Variants in SENP6 observed in about 807,000 individuals in gnomAD.
SENP6 encodes SUMO specific peptidase 6, also known as sentrin-specific protease 6.
In SENP6, 41 loss-of-function variants were observed where a neutral mutation model predicts 134.5. The observed-to-expected ratio is 0.30, with a 90% CI of 0.24 to 0.40. The LOEUF (loss-of-function observed/expected upper bound fraction) is 0.40, where lower values mean the gene tolerates loss of function less well. SENP6 is among the 10% of genes least tolerant of loss of function. SENP6 has a pLI of 1.00. For synonymous variants in SENP6, 395 were observed against 429.8 expected (o/e 0.92, Z 1.00); for missense variants, 1,248 against 1,312.5 (o/e 0.95, Z 0.76).
chr6:75,700,076 AT>A (rs1774927885), intron 18 of SENP6, among the ~76,000 whole-genome samples: 1 of 151,968 alleles, frequency 6.6e-6, no homozygotes, highest in Admixed American at 6.6e-5. Flanking sequence ...GGCCCAGCTA[AT>A]TTTTTAAAAT....
chr6:75,673,319 C>CTTTTT lies in SENP6; in HGVS notation c.1393-2100_1393-2096dup, dbSNP rs373435139. 3.0e-4 allele frequency among the ~76,000 whole-genome samples: 35 copies of CTTTTT among 116,920 alleles called. 1 individual carries two copies. The highest frequency in any genetic ancestry group is 5.0e-4 in the East Asian group (2 of 3,962). 76.7% of individuals were successfully genotyped at this position (116,920 alleles called of 152,430 possible). A position where few individuals can be genotyped will look rare whatever the true frequency, so the allele number is the denominator to read the frequency against. ...TGTAGATGAAATAGACCAATGTCTA[C>CTTTTT]TTTTTTTTTTTTTTTTTTTTGAGAC... is the stretch of plus-strand genomic sequence containing the variant. On this transcript the variant is annotated intron_variant, in intron 11 of 23. Coordinates refer to ENST00000447266, the MANE Select transcript of SENP6 (RefSeq NM_015571.4).
intron 7 of SENP6, among the ~76,000 whole-genome samples, chr6:75,649,420 AT>A (rs1770697922): frequency 6.6e-6 from 1 of 152,236 alleles, no homozygotes; most frequent in South Asian, 2.1e-4. Context: ...TTTAAAGTTT[AT>A]TCAACAGCAT....
chr6:75,667,788 C>T (rs772720075), intron 10 of SENP6, among the ~76,000 whole-genome samples: 2 of 152,128 alleles, frequency 1.3e-5, no homozygotes, highest in Non-Finnish European at 2.9e-5. Context: ...CAAACAAAAT[C>T]GTTGCCTGTT....
At chr6:75,679,833 G>A (rs1297674112) in intron 16 of SENP6, 1 of 152,092 alleles carries the variant, frequency 6.6e-6, no homozygotes, top group Non-Finnish European at 1.5e-5. Context: ...CTTATACTGT[G>A]TTTCATTAAA....
At chr6:75,706,019 C>T (rs1274131016) in intron 19 of SENP6, among the ~76,000 whole-genome samples, 13 of 144,138 alleles carry the variant, frequency 9.0e-5, no homozygotes, top group African/African-American at 1.3e-4. Context: ...TCACTGCAAC[C>T]TCCCCCTCCT....
At chr6:75,637,700 G>A (rs563376265) in intron 5 of SENP6, among the ~76,000 whole-genome samples, 1 of 151,870 alleles carries the variant, frequency 6.6e-6, no homozygotes, top group South Asian at 2.1e-4. Context: ...ATTCTTATAA[G>A]GTTCTTAGAA....
At chr6:75,704,912 A>G (rs1414112901) in intron 19 of SENP6, among the ~76,000 whole-genome samples, 1 of 152,184 alleles carries the variant, frequency 6.6e-6, no homozygotes, top group Non-Finnish European at 1.5e-5. Flanking sequence ...CCTTGATTCC[A>G]TACAACACAT....
intron 9 of SENP6, among the ~76,000 whole-genome samples, chr6:75,666,151 AC>A (rs1205091834): frequency 8.8e-6 from 1 of 113,084 alleles, no homozygotes; most frequent in Non-Finnish European, 1.9e-5. Context: ...TATATATAAA[AC>A]ATATATGATA....
chr6:75,699,055 T>C (rs1171093262), intron 18 of SENP6, among the ~76,000 whole-genome samples: 1 of 151,626 alleles, frequency 6.6e-6, no homozygotes, highest in Non-Finnish European at 1.5e-5. Context: ...AAAAGAAGGT[T>C]TCTTGACTGG....
rs756763975 is a variant in SENP6 at position 75,695,913 on chromosome 6, A to C, written c.2185A>C (p.Thr729Pro). ...GAGAGAGAGGAGAAATCATGAAACA[A>C]CTAATCTGTCGTAAGTCAAACTCTG... is the stretch of plus-strand genomic sequence containing the variant. ...NQRERRNHET[T>P]NLSIQQKRHG... The change falls in exon 17 of 24, where the codon ACT becomes CCT. Residue 729 changes from threonine (T) to proline (P), a missense_variant. Physicochemically the swap from Thr to Pro is conservative, Grantham distance 38. Coordinates refer to ENST00000447266, the MANE Select transcript of SENP6 (RefSeq NM_015571.4). 3.6e-5 allele frequency: 57 copies of C among 1,599,938 alleles called. No individual in the cohort carries two copies. Among genetic ancestry groups the C allele is most frequent in the Non-Finnish European group, 4.7e-5 (55 of 1,175,182 alleles).
At chr6:75,657,158 A>G (rs1771404990) in intron 7 of SENP6, among the ~76,000 whole-genome samples, 1 of 152,198 alleles carries the variant, frequency 6.6e-6, no homozygotes, top group East Asian at 1.9e-4. Context: ...ACATTATCAA[A>G]TTTAGTAAGG....
Position 75,678,866 on chromosome 6 carries a change from G to A in SENP6, c.2014G>A (p.Asp672Asn), listed in dbSNP as rs1773272372. 1.2e-6 allele frequency: 2 copies of A among 1,607,714 alleles called. No individual in the cohort carries two copies. Among genetic ancestry groups the A allele is most frequent in the East Asian group, 2.2e-5 (1 of 44,788 alleles). The change falls in exon 16 of 24, where the codon GAC becomes AAC. Residue 672 changes from aspartate to asparagine, a missense_variant. This residue lies in a region of SENP6 where 129 missense variants were observed against 192.0 expected (regional missense o/e 0.67). Coordinates refer to ENST00000447266, the MANE Select transcript of SENP6 (RefSeq NM_015571.4). ...AKGGISVTNEDLHCLNEGEFL... is the reference protein window; with the variant it reads ...AKGGISVTNENLHCLNEGEFL... ...GGGAGGCATCTCTGTTACCAATGAG[G>A]ACCTGCACTGTCTAAATGAAGGAGA...
At position 75,702,914 on chromosome 6, in the gene SENP6, A is replaced by G. The variant is rs1775137238; in HGVS notation, c.2558A>G (p.Asn853Ser). ...QEESDPRYKR[N>S]ICSVKYSVKK... ...GAAAGTGACCCTCGTTATAAGAGAA[A>G]CATATGCAGTGTAAAATACAGTGTG... The change falls in exon 19 of 24, where the codon AAC becomes AGC. Residue 853 changes from asparagine to serine, a missense_variant. Asn to Ser is a conservative substitution (Grantham distance 46). Transcript: ENST00000447266. 29 of 1,614,052 alleles carry G rather than the reference A, an allele frequency of 1.8e-5. No homozygotes were observed. Among genetic ancestry groups the G allele is most frequent in the Non-Finnish European group, 2.4e-5 (28 of 1,180,020 alleles).
At chr6:75,715,137 T>TA (rs1775959250) in intron 23 of SENP6, among the ~76,000 whole-genome samples, 1 of 152,134 alleles carries the variant, frequency 6.6e-6, no homozygotes. Context: ...AAAACTTTAT[T>TA]ACAGAAACAG....
intron 10 of SENP6, among the ~76,000 whole-genome samples, chr6:75,668,924 T>C (rs1427335098): frequency 6.6e-6 from 1 of 152,196 alleles, no homozygotes; most frequent in Non-Finnish European, 1.5e-5. Context: ...AAATCCTTTA[T>C]TGTAGATTCA....
In SENP6 at chr6:75,657,805, A is replaced by AG. The variant is rs1309538063; in HGVS notation, c.551-1456dup. Among the ~76,000 whole-genome samples the AG allele has an allele frequency of 2.0e-5, 3 of 152,306 alleles. No homozygotes were observed. The East Asian group carries it at 5.8e-4, about 29-fold the overall frequency. On this transcript the variant is annotated intron_variant, in intron 7 of 23. Transcript: ENST00000447266. ...TGGGGCAGAGGCAGCTTCTTAACAA[A>AG]GAAGAGTTTGAATTCACCACATAGG... is the stretch of plus-strand genomic sequence containing the variant.
chr6:75,697,633 TG>T, intron 18 of SENP6, 116 bp downstream of exon 18: 1 of 692,212 alleles, frequency 1.4e-6, no homozygotes, highest in Non-Finnish European at 2.5e-6. Context: ...AAATCTCTTG[TG>T]TATATTCATA....
Position 75,622,394 on chromosome 6 carries a change from C to T in SENP6, c.146+769C>T, listed in dbSNP as rs567321759. The stretch of plus-strand genomic sequence containing the variant: ...CCAACATGGTGAGACCTCATCTCTA[C>T]TAAAAATACAAAAGATTAGCTGGAT... On this transcript the variant is annotated intron_variant, in intron 2 of 23. Transcript: ENST00000447266. Among the ~76,000 whole-genome samples, 14 of 152,104 alleles carry T rather than the reference C, an allele frequency of 9.2e-5. No homozygotes were observed. In the East Asian group the frequency reaches 2.3e-3, roughly 25 times the overall value.
Position 75,717,827 on chromosome 6 carries a change from G to A in SENP6, c.*2233G>A, listed in dbSNP as rs554556418. 6.6e-6 allele frequency: 1 copy of A among 152,070 alleles called. No individual in the cohort carries two copies. The highest frequency in any genetic ancestry group is 1.5e-5 in the Non-Finnish European group (1 of 67,982). The allele number at this position is 152,070 out of a possible 1,614,324, so 9.4% of individuals were successfully genotyped here. Reference sequence around the variant, plus strand: ...GATCTGTTGTATTGGTTTTCTTGTTGGATAGAATAACAGTTAATCATTTTT... The same window carrying A: ...GATCTGTTGTATTGGTTTTCTTGTTAGATAGAATAACAGTTAATCATTTTT... On this transcript the variant is annotated 3_prime_UTR_variant, in exon 24 of 24. Transcript: ENST00000447266.
Sources: allele counts gnomAD v4.1 joint callset (sites outside exome capture counted in the v4.1 genomes callset), GRCh38; gene constraint gnomAD v4.1.1; regional missense constraint gnomAD v4.1.1; transcripts MANE v1.5; gene names NCBI Gene and HGNC (gene_info 2026-07-23, HGNC 2026-07-21).